The following RLF variants were observed in gnomAD, a reference collection of about 807,000 sequenced individuals.
RLF encodes RLF zinc finger.
In RLF, 7 loss-of-function variants were observed where a neutral mutation model predicts 162.9. That is an observed-to-expected ratio of 0.04 (90% CI 0.02 to 0.08). The LOEUF is 0.08. RLF is among the 10% of genes least tolerant of loss of function. The pLI is 1.00. For synonymous variants in RLF, 782 were observed against 791.5 expected (o/e 0.99, Z 0.20); for missense variants, 1,664 against 2,244.7 (o/e 0.74, Z 5.23).
chr1:40,218,923 A>C (rs765732206), intron 5 of RLF, among the ~76,000 whole-genome samples: 1 of 152,198 alleles, frequency 6.6e-6, no homozygotes, highest in Non-Finnish European at 1.5e-5. Flanking sequence ...GTTTGTCTTA[A>C]TAGCTATAGA....
At chr1:40,175,985 A>G (rs1307309606) in intron 1 of RLF, among the ~76,000 whole-genome samples, 1 of 152,016 alleles carries the variant, frequency 6.6e-6, no homozygotes, top group Non-Finnish European at 1.5e-5. Context: ...ATTAGATTGC[A>G]TTTTTAAGAA....
chr1:40,185,380 T>G (rs998019401), intron 1 of RLF, among the ~76,000 whole-genome samples: 2 of 150,066 alleles, frequency 1.3e-5, no homozygotes, highest in African/African-American at 4.9e-5. Context: ...TACACCTGCC[T>G]CGGCCTCCCA....
rs539646510 is a variant in RLF, at chr1:40,216,520, C to T, written c.811-6054C>T. The stretch of plus-strand genomic sequence containing the variant: ...AAAAAAAGAGAGAGAGAAAGAAACC[C>T]ACAGAAACTGACTCACAGATAAATA... On this transcript the variant is annotated intron_variant, in intron 5 of 7. Coordinates refer to ENST00000372771, the MANE Select transcript of RLF (RefSeq NM_012421.4). 5.9e-5 allele frequency among the ~76,000 whole-genome samples: 9 copies of T among 151,394 alleles called. No individual in the cohort carries two copies. The South Asian group carries it at 1.9e-3, about 32-fold the overall frequency.
At chr1:40,218,319 C>G (rs1410190520) in intron 5 of RLF, among the ~76,000 whole-genome samples, 2 of 152,224 alleles carry the variant, frequency 1.3e-5, no homozygotes, top group Non-Finnish European at 2.9e-5. Context: ...TGGGGCTTGA[C>G]AAGTGGACTG....
At chr1:40,206,443 T>C (rs1642796037) in intron 5 of RLF, among the ~76,000 whole-genome samples, 1 of 152,062 alleles carries the variant, frequency 6.6e-6, no homozygotes, top group Admixed American at 6.5e-5. Context: ...TACCTTAGAG[T>C]TTATATGCCA....
At chr1:40,174,281 G>A (rs1322732557) in intron 1 of RLF, among the ~76,000 whole-genome samples, 1 of 151,946 alleles carries the variant, frequency 6.6e-6, no homozygotes, top group Non-Finnish European at 1.5e-5. Flanking sequence ...TGAGGCAGGA[G>A]AATCGCTTGA....
intron 5 of RLF, among the ~76,000 whole-genome samples, chr1:40,207,563 A>G (rs1418554986): frequency 2.0e-5 from 3 of 152,104 alleles, no homozygotes; most frequent in East Asian, 1.9e-4. Flanking sequence ...ACCCCCTGCT[A>G]TGGCCCAGAT....
At chr1:40,222,114 G>T (rs1176773138) in intron 5 of RLF, among the ~76,000 whole-genome samples, 1 of 151,998 alleles carries the variant, frequency 6.6e-6, no homozygotes, top group African/African-American at 2.4e-5. Flanking sequence ...TGTAGCATTT[G>T]TATTTAAAGC....
intron 3 of RLF, among the ~76,000 whole-genome samples, chr1:40,195,199 C>T (rs1642617256): frequency 6.6e-6 from 1 of 151,430 alleles, no homozygotes; most frequent in Non-Finnish European, 1.5e-5. Flanking sequence ...ACCTATAATC[C>T]CAGCACTTTG....
intron 1 of RLF, among the ~76,000 whole-genome samples, chr1:40,162,072 A>C (rs753967774): frequency 6.6e-6 from 1 of 151,752 alleles, no homozygotes; most frequent in Non-Finnish European, 1.5e-5. Flanking sequence ...CCAGAGACTT[A>C]TTTTTGGAGT....
intron 6 of RLF, among the ~76,000 whole-genome samples, chr1:40,227,369 G>A (rs1267383412): frequency 6.6e-6 from 1 of 152,140 alleles, no homozygotes; most frequent in African/African-American, 2.4e-5. Flanking sequence ...CATTATTGTA[G>A]TAATTGAAGA....
chr1:40,184,920 G>T (rs1642453569), intron 1 of RLF, among the ~76,000 whole-genome samples: 1 of 151,984 alleles, frequency 6.6e-6, no homozygotes, highest in Non-Finnish European at 1.5e-5. Context: ...CTCTTCAGTT[G>T]TGATTTCAGT....
chr1:40,224,390 C>G (rs1036766260), intron 6 of RLF, among the ~76,000 whole-genome samples: 1 of 147,226 alleles, frequency 6.8e-6, no homozygotes, highest in African/African-American at 2.5e-5. Context: ...CTCACTGCAA[C>G]CTCCGCCTCC....
At chr1:40,199,592 C>A (rs1278482889) in intron 4 of RLF, among the ~76,000 whole-genome samples, 2 of 152,166 alleles carry the variant, frequency 1.3e-5, no homozygotes, top group East Asian at 3.8e-4. Context: ...CGTTTGTACA[C>A]TATAATCCCT....
chr1:40,237,310 C>T lies in RLF; in HGVS notation c.2608C>T (p.Leu870Phe). ...TGATAAATCACATTTACCTGAAGAT[C>T]TTTTCTGTGCAGAATCAGCTAATTC... is the stretch of plus-strand genomic sequence containing the variant. ...QTDKSHLPED[L>F]FCAESANSQI... Residue 870 changes from leucine (L) to phenylalanine (F), a missense_variant, in exon 8 of 8, where the codon CTT becomes TTT. Leu to Phe is a conservative substitution (Grantham distance 22). Transcript: ENST00000372771. This position sits in a 1 kb window ranked among gnomAD's most constrained non-coding sequence, Gnocchi z 4.4. 6.2e-7 allele frequency: 1 copy of T among 1,614,038 alleles called. No individual in the cohort carries two copies. Among genetic ancestry groups the T allele is most frequent in the Middle Eastern group, 1.6e-4 (1 of 6,062 alleles).
chr1:40,183,032 A>G (rs1642428055), intron 1 of RLF, among the ~76,000 whole-genome samples: 1 of 152,016 alleles, frequency 6.6e-6, no homozygotes, highest in Non-Finnish European at 1.5e-5. Flanking sequence ...TCATGCTGAC[A>G]TTTAAGTCTC....
At chr1:40,214,918 CAAAAAAAAAAAAA>C (rs34756935) in intron 5 of RLF, among the ~76,000 whole-genome samples, 6 of 14,394 alleles carry the variant, frequency 4.2e-4, no homozygotes, top group South Asian at 6.8e-3. Context: ...GAGCCTGTCT[CAAAAAAAAAAAAA>C]AAAAAAAAAA....
In RLF at chr1:40,240,471, G is replaced by C. The variant is rs764799713; in HGVS notation, c.*24G>C. ...AAGTAGCAATTTTGTTTTAGTAACA[G>C]ACTGGCTCCAACACTGCAACATGGG... On this transcript the variant is annotated 3_prime_UTR_variant, in exon 8 of 8. Coordinates refer to ENST00000372771, the MANE Select transcript of RLF (RefSeq NM_012421.4). 2.6e-6 allele frequency: 4 copies of C among 1,548,462 alleles called. No homozygotes were observed. The highest frequency in any genetic ancestry group is 3.5e-6 in the Non-Finnish European group (4 of 1,128,026).
Position 40,238,543 on chromosome 1 carries a change from G to GAAC in RLF, c.3844_3846dup (p.Gln1282dup), listed in dbSNP as rs763645908. 6.2e-7 allele frequency: 1 copy of GAAC among 1,613,834 alleles called. No individual in the cohort carries two copies. The highest frequency in any genetic ancestry group is 1.7e-5 in the Admixed American group (1 of 60,004). On this transcript the variant is annotated inframe_insertion, in exon 8 of 8. Transcript: ENST00000372771. The surrounding 1 kb of genome is among the most constrained non-coding windows in gnomAD (Gnocchi z 5.2). ...ATCACCAATAGGCAGCCATAGAGAA[G>GAAC]AACAAGAAGGAAGAGAGGGCAGAGG...
Sources: gnomAD v4.1 joint callset for allele counts (sites outside exome capture counted in the v4.1 genomes callset) on GRCh38, gnomAD v4.1.1 for gene constraint, Gnocchi (gnomAD v3.1) non-coding constraint, MANE v1.5 for transcripts, NCBI Gene and HGNC (gene_info 2026-07-23, HGNC 2026-07-21) for gene names.